Variants in UTRN observed in about 807,000 individuals in gnomAD.
The protein encoded by UTRN is utrophin.
Under a neutral mutation model 463.9 loss-of-function variants are expected in UTRN, and 283 were observed. That is an observed-to-expected ratio of 0.61 (90% CI 0.55 to 0.67). The LOEUF is 0.67. Among genes scored for constraint, UTRN ranks in the 30% least tolerant of loss-of-function variants. The pLI is 0.00. For missense variants in UTRN, 3,922 were observed against 4,084.3 expected (o/e 0.96, Z 1.08); for synonymous variants, 1,442 against 1,431.5 (o/e 1.01, Z -0.17).
chr6:144,734,350 T>G (rs187371353), intron 54 of UTRN, among the ~76,000 whole-genome samples: 1 of 152,222 alleles, frequency 6.6e-6, no homozygotes, highest in Non-Finnish European at 1.5e-5. Flanking sequence ...ACTGATATTA[T>G]CAGCAGTAGA....
chr6:144,315,128 G>A (rs1775199806), intron 2 of UTRN, among the ~76,000 whole-genome samples: 1 of 152,200 alleles, frequency 6.6e-6, no homozygotes. Flanking sequence ...TGAAGCATTG[G>A]AACATAAGCC....
At chr6:144,827,410 A>T in intron 67 of UTRN, 24 bp downstream of exon 67, 3 of 1,613,302 alleles carry the variant, frequency 1.9e-6, no homozygotes, top group Non-Finnish European at 2.5e-6. Flanking sequence ...GCCCACGTGC[A>T]GGAGAGGTGT....
intron 2 of UTRN, among the ~76,000 whole-genome samples, chr6:144,362,678 A>G (rs955589934): frequency 2.0e-5 from 3 of 152,240 alleles, no homozygotes; most frequent in African/African-American, 7.2e-5. Context: ...CAAGACATGG[A>G]AAAAGGTCTG....
At chr6:144,371,466 C>T (rs1396386034) in intron 2 of UTRN, among the ~76,000 whole-genome samples, 3 of 152,218 alleles carry the variant, frequency 2.0e-5, no homozygotes, top group Non-Finnish European at 4.4e-5. Flanking sequence ...GGCTGGAGTG[C>T]AATGGCGCAA....
Position 144,438,892 on chromosome 6 carries a change from T to C in UTRN, c.1389T>C (p.His463=), listed in dbSNP as rs1312935964. The C allele has an allele frequency of 6.2e-7, 1 of 1,614,072 alleles. No homozygotes were observed. The highest frequency in any genetic ancestry group is 1.3e-5 in the African/African-American group (1 of 75,040). Residue 463 remains histidine (H), a synonymous_variant, in exon 12 of 75, where the codon CAT becomes CAC. Transcript: ENST00000367545. ...CTCTACAAAAGCTGCTAGAAGAACA[T>C]AAAGTAAATCTGTCTCATATTTCTT... ...VKSLQKLLEE[H]KSLQSDLEAE... is the part of the protein sequence containing the mutation.
intron 51 of UTRN, among the ~76,000 whole-genome samples, chr6:144,604,093 A>G (rs1447465781): frequency 2.6e-5 from 4 of 152,168 alleles, no homozygotes; most frequent in Non-Finnish European, 5.9e-5. Flanking sequence ...TGATTATGTT[A>G]CTTTCGAGGT....
intron 69 of UTRN, among the ~76,000 whole-genome samples, chr6:144,834,232 A>C (rs1176544398): frequency 9.9e-5 from 15 of 152,194 alleles, no homozygotes; most frequent in Admixed American, 9.8e-4. Context: ...TTAGGTACTT[A>C]TTATTATATT....
chr6:144,472,364 A>G (rs889924984), intron 23 of UTRN, among the ~76,000 whole-genome samples: 3 of 151,076 alleles, frequency 2.0e-5, no homozygotes, highest in Middle Eastern at 3.4e-3. Context: ...ACACAGAGTG[A>G]TAACATCTCA....
intron 51 of UTRN, among the ~76,000 whole-genome samples, chr6:144,633,427 T>A (rs1359069775): frequency 6.6e-6 from 1 of 151,982 alleles, no homozygotes; most frequent in East Asian, 1.9e-4. Context: ...AAAGACGGCG[T>A]TTCACCGTTT....
chr6:144,483,984 G>A (rs1023457465), intron 27 of UTRN, among the ~76,000 whole-genome samples: 5 of 152,156 alleles, frequency 3.3e-5, no homozygotes, highest in African/African-American at 1.2e-4. Context: ...ACCGGCAGGT[G>A]CCTTCACTCA....
At chr6:144,629,338 G>T (rs182898058) in intron 51 of UTRN, among the ~76,000 whole-genome samples, 1 of 152,066 alleles carries the variant, frequency 6.6e-6, no homozygotes, top group Non-Finnish European at 1.5e-5. Context: ...GGCAGCCACC[G>T]ATGCCAGTTT....
chr6:144,576,503 A>G (rs139805101), intron 50 of UTRN, among the ~76,000 whole-genome samples: 4 of 152,306 alleles, frequency 2.6e-5, no homozygotes, highest in Admixed American at 2.0e-4. Context: ...ACTTGTATAT[A>G]TATGAATTGT....
At chr6:144,685,431 T>C (rs1039261067) in intron 52 of UTRN, among the ~76,000 whole-genome samples, 1 of 152,174 alleles carries the variant, frequency 6.6e-6, no homozygotes, top group Non-Finnish European at 1.5e-5. Context: ...TGGATGTACT[T>C]TTAGTTCTTT....
intron 51 of UTRN, chr6:144,660,249 C>T (rs1157103405): frequency 1.3e-5 from 6 of 471,042 alleles, no homozygotes; most frequent in African/African-American, 4.0e-5. Flanking sequence ...CTTCAACTTA[C>T]GGGAACTGCT....
intron 51 of UTRN, among the ~76,000 whole-genome samples, chr6:144,578,838 T>C (rs1333473577): frequency 6.6e-6 from 1 of 152,236 alleles, no homozygotes. Context: ...TTAGGAACTC[T>C]TTTCTCTGAA....
intron 51 of UTRN, 130 bp downstream of exon 51, chr6:144,577,418 G>A (rs1801545673): frequency 2.2e-6 from 2 of 910,308 alleles, no homozygotes; most frequent in Non-Finnish European, 3.2e-6. Flanking sequence ...GTGCTCTCCT[G>A]TGAATAATAG....
chr6:144,335,746 G>A (rs928566011), intron 2 of UTRN, among the ~76,000 whole-genome samples: 6 of 152,244 alleles, frequency 3.9e-5, no homozygotes, highest in East Asian at 3.9e-4. Flanking sequence ...TGATAATTGT[G>A]ACTTGAATTC....
intron 51 of UTRN, among the ~76,000 whole-genome samples, chr6:144,672,227 G>C (rs1173440882): frequency 6.6e-6 from 1 of 151,786 alleles, no homozygotes; most frequent in Non-Finnish European, 1.5e-5. Context: ...GTGTCAATAG[G>C]ATTGGTACCA....
chr6:144,491,233 G>A lies in UTRN; in HGVS notation c.4437+131G>A, dbSNP rs558177990. 209 of 835,972 alleles carry A rather than the reference G, an allele frequency of 2.5e-4. No homozygotes were observed. The Middle Eastern group carries it at 2.6e-3, about 10-fold the overall frequency. 51.8% of individuals were successfully genotyped at this position (835,972 alleles called of 1,614,324 possible). ...TGTGCTAAACATAAGGATTGATGATGGAAAACGTGTTAAAAAATAAGAAGT... is the reference window on the plus strand; with the variant it reads ...TGTGCTAAACATAAGGATTGATGATAGAAAACGTGTTAAAAAATAAGAAGT... On this transcript the variant is annotated intron_variant, in intron 32 of 74. Transcript: ENST00000367545.
Sources: gnomAD v4.1 joint callset for allele counts (sites outside exome capture counted in the v4.1 genomes callset) on GRCh38, gnomAD v4.1.1 for gene constraint, MANE v1.5 for transcripts, NCBI Gene and HGNC (gene_info 2026-07-23, HGNC 2026-07-21) for gene names.